Variants in RPIA observed in about 807,000 individuals in gnomAD.
RPIA encodes the protein ribose-5-phosphate isomerase.
RPIA carries 29 observed loss-of-function variants against 37.8 expected under a neutral mutation model. The observed-to-expected ratio is 0.77, with a 90% CI of 0.57 to 1.05. The LOEUF is 1.05. RPIA is among the 50% of genes least tolerant of loss of function. The probability of loss-of-function intolerance (pLI) is 0.00; values close to 1 mark genes in which losing one functional copy is unlikely to be tolerated. For synonymous variants in RPIA, 167 were observed against 157.0 expected (o/e 1.06, Z -0.48); for missense variants, 385 against 413.6 (o/e 0.93, Z 0.60).
intron 3 of RPIA, among the ~76,000 whole-genome samples, chr2:88,708,224 G>C (rs1164925168): frequency 6.6e-6 from 1 of 152,206 alleles, no homozygotes; most frequent in East Asian, 1.9e-4. Flanking sequence ...AGAGGTGTCA[G>C]GAATCTCAGA....
intron 3 of RPIA, among the ~76,000 whole-genome samples, chr2:88,713,372 A>G (rs1321240193): frequency 6.6e-6 from 1 of 151,858 alleles, no homozygotes; most frequent in African/African-American, 2.4e-5. Flanking sequence ...ATTTGACTCT[A>G]CAGAGCACTA....
intron 3 of RPIA, among the ~76,000 whole-genome samples, chr2:88,725,264 A>G (rs1673181554): frequency 6.6e-6 from 1 of 152,190 alleles, no homozygotes; most frequent in South Asian, 2.1e-4. Context: ...TAGTGGGTCA[A>G]AACCCTTATG....
chr2:88,713,120 A>ATTTTTT (rs1553420200), intron 3 of RPIA, among the ~76,000 whole-genome samples: 34 of 65,274 alleles, frequency 5.2e-4, no homozygotes, highest in African/African-American at 6.3e-4. Context: ...ATATATATAT[A>ATTTTTT]TTTTTTTTTT....
At chr2:88,715,750 T>G (rs1673026933) in intron 3 of RPIA, among the ~76,000 whole-genome samples, 1 of 152,226 alleles carries the variant, frequency 6.6e-6, no homozygotes. Context: ...TTCTTATTCC[T>G]GCATTTACCG....
intron 3 of RPIA, among the ~76,000 whole-genome samples, chr2:88,711,449 T>G (rs1259810412): frequency 2.6e-5 from 4 of 152,230 alleles, no homozygotes; most frequent in Non-Finnish European, 5.9e-5. Flanking sequence ...TTGAAATAAT[T>G]ATTATCTACA....
chr2:88,720,787 C>T (rs2104110292), intron 3 of RPIA, among the ~76,000 whole-genome samples: 1 of 152,118 alleles, frequency 6.6e-6, no homozygotes, highest in African/African-American at 2.4e-5. Flanking sequence ...TTAGTTCAAC[C>T]ATTGTGGAAG....
In RPIA at chr2:88,749,967, C is replaced by G. The variant is rs1436268129; in HGVS notation, c.839-14C>G. ...AGGCTGAAACAATGTTTCTTTCTGT[C>G]CTTTGTCCTGCAGGTGTGGTGGACA... On this transcript the variant is annotated splice_polypyrimidine_tract_variant and intron_variant, in intron 8 of 8. Transcript: ENST00000283646. 6.3e-7 allele frequency: 1 copy of G among 1,596,558 alleles called. No individual in the cohort carries two copies. The highest frequency in any genetic ancestry group is 8.6e-7 in the Non-Finnish European group (1 of 1,164,588).
chr2:88,695,091 G>A (rs1249457660), intron 1 of RPIA, among the ~76,000 whole-genome samples: 1 of 152,110 alleles, frequency 6.6e-6, no homozygotes, highest in African/African-American at 2.4e-5. Context: ...CCTAGAGAGA[G>A]CATGGAAGCT....
intron 2 of RPIA, among the ~76,000 whole-genome samples, chr2:88,699,105 G>T (rs1263033922): frequency 6.6e-6 from 1 of 152,244 alleles, no homozygotes; most frequent in Non-Finnish European, 1.5e-5. Context: ...GGAGAGGCCT[G>T]CCTGAATGCT....
intron 8 of RPIA, among the ~76,000 whole-genome samples, chr2:88,749,573 A>G (rs1393714262): frequency 6.6e-6 from 1 of 152,184 alleles, no homozygotes; most frequent in Non-Finnish European, 1.5e-5. Flanking sequence ...GGTATGATTG[A>G]AAATAACTGG....
intron 3 of RPIA, among the ~76,000 whole-genome samples, chr2:88,715,433 T>A (rs1174230502): frequency 6.6e-6 from 1 of 152,124 alleles, no homozygotes; most frequent in African/African-American, 2.4e-5. Context: ...ATAAGAACAA[T>A]GGGGGATGCA....
chr2:88,712,461 A>T (rs553702951), intron 3 of RPIA, among the ~76,000 whole-genome samples: 2 of 152,330 alleles, frequency 1.3e-5, no homozygotes, highest in East Asian at 3.9e-4. Context: ...AGGTAATTGT[A>T]ATTCTGAATG....
intron 8 of RPIA, among the ~76,000 whole-genome samples, chr2:88,742,407 T>G (rs1263227053): frequency 6.6e-6 from 1 of 152,240 alleles, no homozygotes; most frequent in African/African-American, 2.4e-5. Flanking sequence ...CATTGGTCTA[T>G]ATGCCTGTTT....
At chr2:88,701,487 A>T (rs1473958) in intron 3 of RPIA, among the ~76,000 whole-genome samples, 1 of 151,772 alleles carries the variant, frequency 6.6e-6, no homozygotes, top group Non-Finnish European at 1.5e-5. Context: ...TAAAAGAAAA[A>T]AAAGCACACT....
chr2:88,702,728 G>C (rs778344122), intron 3 of RPIA, among the ~76,000 whole-genome samples: 1 of 152,178 alleles, frequency 6.6e-6, no homozygotes, highest in Non-Finnish European at 1.5e-5. Context: ...TCTGGAGCCT[G>C]CCAAATCTCA....
chr2:88,750,214 G>T lies in RPIA; in HGVS notation c.*136G>T. On this transcript the variant is annotated 3_prime_UTR_variant, in exon 9 of 9. Transcript: ENST00000283646. ...TGGGGGGTGGGGGGAAGAGTGGGAG[G>T]GGGAGTTAAATCCAGTCTTATGAAG... is the stretch of plus-strand genomic sequence containing the variant. 1 of 662,394 alleles carries T rather than the reference G, an allele frequency of 1.5e-6. No homozygotes were observed. The allele number at this position is 662,394 out of a possible 1,614,324, so 41.0% of individuals were successfully genotyped here. A position where few individuals can be genotyped will look rare whatever the true frequency, so the allele number is the denominator to read the frequency against.
intron 1 of RPIA, among the ~76,000 whole-genome samples, chr2:88,695,657 C>T (rs1672731081): frequency 6.6e-6 from 1 of 152,080 alleles, no homozygotes; most frequent in Admixed American, 6.6e-5. Flanking sequence ...AAGTCCTTGC[C>T]TTTGGGGATT....
At chr2:88,715,489 A>G (rs563728107) in intron 3 of RPIA, among the ~76,000 whole-genome samples, 9 of 152,358 alleles carry the variant, frequency 5.9e-5, no homozygotes, top group African/African-American at 7.2e-5. Flanking sequence ...AATTCTATCT[A>G]TAGGAACAGT....
chr2:88,734,110 C>T lies in RPIA; in HGVS notation c.463-442C>T, dbSNP rs185136390. ...TCAGTTTTTTTTTTTTGCATTTTTC[C>T]CACCCCCAGTGGAATTTAGTAGCAC... On this transcript the variant is annotated intron_variant, in intron 4 of 8. Transcript: ENST00000283646. 2.6e-5 allele frequency among the ~76,000 whole-genome samples: 4 copies of T among 151,400 alleles called. No homozygotes were observed. The East Asian group carries it at 7.7e-4, about 29-fold the overall frequency.
Sources: gnomAD v4.1 joint callset for allele counts (sites outside exome capture counted in the v4.1 genomes callset) on GRCh38, gnomAD v4.1.1 for gene constraint, MANE v1.5 for transcripts, NCBI Gene and HGNC (gene_info 2026-07-23, HGNC 2026-07-21) for gene names.